TENM2: variants seen among roughly 807,000 people sequenced by gnomAD.
TENM2 encodes the protein teneurin transmembrane protein 2.
In TENM2, 52 loss-of-function variants were observed where a neutral mutation model predicts 245.2. That is an observed-to-expected ratio of 0.21 (90% CI 0.17 to 0.27). The LOEUF (loss-of-function observed/expected upper bound fraction) is 0.27, where lower values mean the gene tolerates loss of function less well. TENM2 is among the 10% of genes least tolerant of loss of function. The pLI is 1.00. For missense variants in TENM2, 3,046 were observed against 3,666.8 expected (o/e 0.83, Z 4.37); for synonymous variants, 1,363 against 1,438.9 (o/e 0.95, Z 1.19).
intron 27 of TENM2, 120 bp downstream of exon 29, chr5:168,248,491 A>G: frequency 1.0e-6 from 1 of 998,560 alleles, no homozygotes; most frequent in Non-Finnish European, 1.4e-6. Context: ...CATAAAGCCC[A>G]GGCAGTGCAG....
chr5:167,291,533 A>G (rs1346023843), intron 1 of TENM2, among the ~76,000 whole-genome samples: 2 of 152,148 alleles, frequency 1.3e-5, no homozygotes, highest in East Asian at 1.9e-4. Context: ...CCTTGTTTAT[A>G]TATATGGTTG....
intron 2 of TENM2, among the ~76,000 whole-genome samples, chr5:167,748,978 C>A (rs1761772226): frequency 6.6e-6 from 1 of 152,074 alleles, no homozygotes; most frequent in African/African-American, 2.4e-5. Flanking sequence ...AATCCTTGGT[C>A]TCAAGCCATT....
At chr5:167,360,855 T>C (rs1759671659) in intron 1 of TENM2, among the ~76,000 whole-genome samples, 1 of 152,116 alleles carries the variant, frequency 6.6e-6, no homozygotes, top group Non-Finnish European at 1.5e-5. Flanking sequence ...AAACCATAAG[T>C]AGTGGAATAG....
the TENM2 span, among the ~76,000 whole-genome samples, chr5:167,274,821 T>A: frequency 6.6e-6 from 1 of 152,040 alleles, no homozygotes; most frequent in East Asian, 1.9e-4. Flanking sequence ...TATGACTCCA[T>A]GTCTTTTGCC....
intron 2 of TENM2, among the ~76,000 whole-genome samples, chr5:167,870,554 C>CAT (rs60172043): frequency 0.11 from 14,165 of 128,252 alleles, 744 homozygotes; most frequent in South Asian, 0.18. Context: ...AATGTGTATA[C>CAT]ATATATATAT....
intron 13 of TENM2, among the ~76,000 whole-genome samples, chr5:168,174,636 C>T (rs371288251): frequency 3.3e-5 from 5 of 152,306 alleles, no homozygotes; most frequent in African/African-American, 9.6e-5. Context: ...TAGCGTAATA[C>T]GTGCCTTTTG....
chr5:168,126,684 G>A lies in TENM2; in HGVS notation c.2210-70G>A, dbSNP rs77736206. The A allele has an allele frequency of 4.0e-4, 539 of 1,334,782 alleles. 2 individuals carry two copies. In the Middle Eastern group the frequency reaches 5.0e-3, roughly 12 times the overall value. 82.7% of individuals were successfully genotyped at this position (1,334,782 alleles called of 1,614,324 possible). A position where few individuals can be genotyped will look rare whatever the true frequency, so the allele number is the denominator to read the frequency against. ...CCTGCTCCAGGGGTCTGGGCCATGTGCGTGGTCTGGACTCCATGGAAGGTT... is the reference window on the plus strand; with the variant it reads ...CCTGCTCCAGGGGTCTGGGCCATGTACGTGGTCTGGACTCCATGGAAGGTT... On this transcript the variant is annotated intron_variant, in intron 11 of 28. Transcript: ENST00000518659.
intron 2 of TENM2, among the ~76,000 whole-genome samples, chr5:167,698,690 T>TG (rs1188410361): frequency 1.4e-5 from 2 of 143,384 alleles, no homozygotes; most frequent in Admixed American, 6.8e-5. Context: ...TTTTTTTTTT[T>TG]TTTTTTTTTT....
intron 1 of TENM2, among the ~76,000 whole-genome samples, chr5:167,306,834 G>A (rs1056722537): frequency 5.3e-5 from 8 of 152,120 alleles, no homozygotes; most frequent in African/African-American, 1.7e-4. Context: ...GTTAATAACT[G>A]AATAATATTT....
the TENM2 span, among the ~76,000 whole-genome samples, chr5:167,003,799 G>C: frequency 6.6e-6 from 1 of 152,136 alleles, no homozygotes; most frequent in Non-Finnish European, 1.5e-5. Context: ...GGAACTCATT[G>C]TACATTAGAA....
At chr5:167,109,972 G>T in the TENM2 span, among the ~76,000 whole-genome samples, 1 of 152,106 alleles carries the variant, frequency 6.6e-6, no homozygotes, top group Non-Finnish European at 1.5e-5. Context: ...TTATTTTCTT[G>T]AGTTTTCAGA....
chr5:167,410,636 A>G (rs1017788449), intron 2 of TENM2, among the ~76,000 whole-genome samples: 1 of 152,080 alleles, frequency 6.6e-6, no homozygotes, highest in African/African-American at 2.4e-5. Context: ...AAGAGCAAAT[A>G]AACTGACAGC....
At chr5:167,838,992 A>C (rs1769246482) in intron 2 of TENM2, among the ~76,000 whole-genome samples, 1 of 152,174 alleles carries the variant, frequency 6.6e-6, no homozygotes, top group Non-Finnish European at 1.5e-5. Context: ...TGTTATTTTG[A>C]GTGAAATAGG....
intron 4 of TENM2, among the ~76,000 whole-genome samples, chr5:167,961,509 TGAA>T (rs915600643): frequency 6.6e-6 from 1 of 152,056 alleles, no homozygotes; most frequent in Non-Finnish European, 1.5e-5. Flanking sequence ...ATGGACTAGA[TGAA>T]GAAGAAGAAA....
At chr5:167,086,571 A>T in the TENM2 span, among the ~76,000 whole-genome samples, 1 of 152,214 alleles carries the variant, frequency 6.6e-6, no homozygotes, top group East Asian at 1.9e-4. Context: ...TGGAGTTTTC[A>T]TGCACCTGTT....
chr5:167,029,115 A>G, the TENM2 span, among the ~76,000 whole-genome samples: 335 of 152,264 alleles, frequency 2.2e-3, no homozygotes, highest in Non-Finnish European at 3.9e-3. Context: ...TTAGTTTTTT[A>G]TTTCAAGCAA....
At chr5:167,758,263 T>C (rs1762436953) in intron 2 of TENM2, among the ~76,000 whole-genome samples, 2 of 152,296 alleles carry the variant, frequency 1.3e-5, no homozygotes, top group South Asian at 4.1e-4. Context: ...TTTACCATGA[T>C]GGTGACTGTG....
chr5:167,432,865 A>C (rs1306330593), intron 2 of TENM2, among the ~76,000 whole-genome samples: 1 of 152,144 alleles, frequency 6.6e-6, no homozygotes, highest in Non-Finnish European at 1.5e-5. Flanking sequence ...CTGCCCCACC[A>C]GCCCTGAAAT....
chr5:167,291,417 C>G (rs1157279975), intron 1 of TENM2, among the ~76,000 whole-genome samples: 1 of 152,224 alleles, frequency 6.6e-6, no homozygotes, highest in Non-Finnish European at 1.5e-5. Flanking sequence ...ACAAGATTCT[C>G]ATTCTCATAT....
Sources: gnomAD v4.1 joint callset for allele counts (sites outside exome capture counted in the v4.1 genomes callset) on GRCh38, gnomAD v4.1.1 for gene constraint, MANE v1.5 for transcripts, NCBI Gene and HGNC (gene_info 2026-07-23, HGNC 2026-07-21) for gene names.